ENPP2: variants seen among roughly 807,000 people sequenced by gnomAD.
The protein encoded by ENPP2 is ectonucleotide pyrophosphatase/phosphodiesterase 2.
ENPP2 carries 51 observed loss-of-function variants against 120.2 expected under a neutral mutation model. The observed-to-expected ratio is 0.42, with a 90% CI of 0.34 to 0.54. The LOEUF (loss-of-function observed/expected upper bound fraction) is 0.54. ENPP2 is among the 20% of genes least tolerant of loss of function. The pLI is 0.04. For synonymous variants in ENPP2, 365 were observed against 366.4 expected (o/e 1.00, Z 0.04); for missense variants, 920 against 1,066.5 (o/e 0.86, Z 1.91).
At chr8:119,559,582 C>A (rs1342793485) in intron 24 of ENPP2, among the ~76,000 whole-genome samples, 2 of 152,200 alleles carry the variant, frequency 1.3e-5, no homozygotes, top group African/African-American at 2.4e-5. Flanking sequence ...AAGGAAATAT[C>A]TTCTGCCTTG....
At chr8:119,642,167 G>T (rs1210923607), upstream of ENPP2, among the ~76,000 whole-genome samples, 1 of 151,830 alleles carries the variant, frequency 6.6e-6, no homozygotes, top group Non-Finnish European at 1.5e-5. Flanking sequence ...CCTTCTTTGG[G>T]GTTTAAACGA....
At chr8:119,663,698 A>G (rs1427834517) in intron 1 of ENPP2, among the ~76,000 whole-genome samples, 1 of 152,206 alleles carries the variant, frequency 6.6e-6, no homozygotes, top group East Asian at 1.9e-4. Flanking sequence ...TCCCCTGTGT[A>G]GAAGCCACTG....
At chr8:119,581,265 C>CA (rs5894487) in intron 18 of ENPP2, among the ~76,000 whole-genome samples, 10,996 of 111,572 alleles carry the variant, frequency 0.099, 785 homozygotes, top group African/African-American at 0.22. Context: ...GACTCCATCT[C>CA]AAAAAAAAAA....
At chr8:119,610,900 CT>C (rs1249789152) in intron 8 of ENPP2, among the ~76,000 whole-genome samples, 3 of 124,356 alleles carry the variant, frequency 2.4e-5, no homozygotes, top group African/African-American at 9.9e-5. Context: ...GAGATTCTGT[CT>C]TTAAAAAAAA....
intron 1 of ENPP2, among the ~76,000 whole-genome samples, chr8:119,668,522 C>T (rs1002627406): frequency 1.3e-5 from 2 of 150,196 alleles, no homozygotes; most frequent in Non-Finnish European, 3.0e-5. Flanking sequence ...CTCCACCTCC[C>T]GGTTCAAGCA....
chr8:119,645,749 A>G (rs577529418), intron 1 of ENPP2, among the ~76,000 whole-genome samples: 203 of 147,558 alleles, frequency 1.4e-3, no homozygotes, highest in African/African-American at 4.9e-3. Context: ...CGGGGAGTGG[A>G]GGTTGAGCTG....
Position 119,562,872 on chromosome 8 carries a change from G to A in ENPP2, c.2406C>T (p.Asn802=), listed in dbSNP as rs61740048. The change falls in exon 24 of 25, where the codon AAC becomes AAT. Residue 802 remains asparagine (N), a synonymous_variant. Coordinates refer to ENST00000075322, the MANE Select transcript of ENPP2 (RefSeq NM_001040092.3). ...GTAAACTCACATTGCAGCTCTCCTCGTTGTCAGGCCGGTGAGGCAGGATGA... is the reference window on the plus strand; with the variant it reads ...GTAAACTCACATTGCAGCTCTCCTCATTGTCAGGCCGGTGAGGCAGGATGA... The part of the protein sequence containing the change: ...SSFILPHRPD[N]EESCNSSEDE... The A allele has an allele frequency of 6.5e-4, 1,044 of 1,614,026 alleles. 6 individuals are homozygous for A. The African/African-American group carries it at 0.012, about 19-fold the overall frequency.
intron 1 of ENPP2, among the ~76,000 whole-genome samples, chr8:119,648,655 A>G (rs913464222): frequency 3.9e-5 from 6 of 152,226 alleles, no homozygotes; most frequent in Non-Finnish European, 5.9e-5. Context: ...CAAAACTGCC[A>G]TTTCTGTGAT....
intron 1 of ENPP2, among the ~76,000 whole-genome samples, chr8:119,659,320 T>TAAAAAAAA (rs750701293): frequency 3.1e-4 from 20 of 64,894 alleles, no homozygotes; most frequent in African/African-American, 8.2e-4. Context: ...CTGTCTCAAT[T>TAAAAAAAA]AAAAAAAAAA....
At chr8:119,668,964 G>A (rs1818161439) in intron 1 of ENPP2, among the ~76,000 whole-genome samples, 1 of 151,924 alleles carries the variant, frequency 6.6e-6, no homozygotes, top group Admixed American at 6.6e-5. Flanking sequence ...TTTAATTTTG[G>A]GATCCATGCA....
chr8:119,638,643 G>T, intron 1 of ENPP2, 105 bp downstream of exon 1: 3 of 991,000 alleles, frequency 3.0e-6, no homozygotes, highest in South Asian at 1.3e-5. Flanking sequence ...CTTCCAAAAT[G>T]CATAATAAGG....
chr8:119,629,284 A>G (rs988330230), intron 2 of ENPP2, among the ~76,000 whole-genome samples: 8 of 152,142 alleles, frequency 5.3e-5, no homozygotes, highest in Admixed American at 3.3e-4. Context: ...TATAAAATAT[A>G]CCATATATGT....
At chr8:119,631,501 C>G (rs1376134093) in intron 2 of ENPP2, among the ~76,000 whole-genome samples, 1 of 152,130 alleles carries the variant, frequency 6.6e-6, no homozygotes, top group Non-Finnish European at 1.5e-5. Context: ...CAGGCGTGAG[C>G]CACCACGCCC....
chr8:119,664,964 T>C (rs1255802621), intron 1 of ENPP2, among the ~76,000 whole-genome samples: 1 of 152,156 alleles, frequency 6.6e-6, no homozygotes, highest in East Asian at 1.9e-4. Flanking sequence ...ATGAGAAGTC[T>C]GAGATCAAGG....
chr8:119,665,451 C>T (rs1305586120), intron 1 of ENPP2, among the ~76,000 whole-genome samples: 2 of 152,140 alleles, frequency 1.3e-5, no homozygotes, highest in Admixed American at 6.5e-5. Context: ...AGTGCAATGC[C>T]CCTCTTTTCA....
chr8:119,564,129 C>T (rs1229465566), intron 23 of ENPP2, among the ~76,000 whole-genome samples: 1 of 151,870 alleles, frequency 6.6e-6, no homozygotes, highest in African/African-American at 2.4e-5. Context: ...ACAGAGACAA[C>T]CAGATTCAAT....
chr8:119,639,978 CAT>C (rs1006956034), upstream of ENPP2, among the ~76,000 whole-genome samples: 1 of 152,190 alleles, frequency 6.6e-6, no homozygotes, highest in Non-Finnish European at 1.5e-5. Flanking sequence ...TTCCGCAGCA[CAT>C]GTGTTCGTGC....
chr8:119,640,532 T>C (rs942840917), upstream of ENPP2, among the ~76,000 whole-genome samples: 3 of 152,230 alleles, frequency 2.0e-5, no homozygotes, highest in African/African-American at 7.2e-5. Flanking sequence ...TGACTTTGTC[T>C]GATATTTGAT....
chr8:119,640,652 G>A (rs149290167), upstream of ENPP2, among the ~76,000 whole-genome samples: 7 of 152,286 alleles, frequency 4.6e-5, no homozygotes, highest in African/African-American at 1.7e-4. Context: ...TAGCTGGGCA[G>A]GGGGAAAAGC....
Sources: allele counts gnomAD v4.1 joint callset (sites outside exome capture counted in the v4.1 genomes callset), GRCh38; gene constraint gnomAD v4.1.1; transcripts MANE v1.5; gene names NCBI Gene and HGNC (gene_info 2026-07-23, HGNC 2026-07-21).